Variants in FRAS1 observed in about 807,000 individuals in gnomAD.
FRAS1 encodes Fraser extracellular matrix complex subunit 1.
Under a neutral mutation model 435.2 loss-of-function variants are expected in FRAS1, and 290 were observed. The ratio of observed to expected loss-of-function variants is 0.67; its 90% CI spans 0.61 to 0.73. FRAS1 has a LOEUF of 0.73. FRAS1 is among the 30% of genes least tolerant of loss of function. The pLI, the probability that FRAS1 is intolerant of heterozygous loss-of-function variation, is 0.00. For synonymous variants in FRAS1, 1,800 were observed against 1,851.0 expected (o/e 0.97, Z 0.71); for missense variants, 4,860 against 5,001.5 (o/e 0.97, Z 0.85).
intron 4 of FRAS1, among the ~76,000 whole-genome samples, chr4:78,246,424 G>A (rs1392512883): frequency 1.3e-5 from 2 of 152,108 alleles, no homozygotes. Context: ...AATTACACAA[G>A]GAAGCCACTC....
At chr4:78,168,533 C>G (rs1292154078) in intron 2 of FRAS1, among the ~76,000 whole-genome samples, 1 of 151,794 alleles carries the variant, frequency 6.6e-6, no homozygotes, top group Admixed American at 6.6e-5. Context: ...TGAGTAGGCA[C>G]AGTCAGAATG....
At chr4:78,123,737 C>T (rs1432638777) in intron 2 of FRAS1, among the ~76,000 whole-genome samples, 1 of 152,066 alleles carries the variant, frequency 6.6e-6, no homozygotes, top group African/African-American at 2.4e-5. Context: ...CTCTTAGTAG[C>T]AATTGTGAAT....
intron 5 of FRAS1, among the ~76,000 whole-genome samples, chr4:78,254,556 T>G (rs957402788): frequency 1.3e-5 from 2 of 151,408 alleles, no homozygotes; most frequent in Non-Finnish European, 2.9e-5. Context: ...GAGTTGGGGG[T>G]GGTGTGGGGA....
At position 78,075,018 on chromosome 4, in the gene FRAS1, C is replaced by T. The variant is rs1320336009; in HGVS notation, c.108+9002C>T. ...GGCAAGAACTCCGGTTTCGTATGCT[C>T]TTGGTTGACAGGCTTGCTCCCTGGA... On this transcript the variant is annotated intron_variant, in intron 2 of 73. Coordinates refer to ENST00000512123, the MANE Select transcript of FRAS1 (RefSeq NM_025074.7). 2.0e-5 allele frequency among the ~76,000 whole-genome samples: 3 copies of T among 152,232 alleles called. 1 individual carries two copies. The highest frequency in any genetic ancestry group is 4.2e-4 in the South Asian group (2 of 4,812).
Position 78,333,430 on chromosome 4 carries a change from T to C in FRAS1, c.2278+18T>C. On this transcript the variant is annotated intron_variant, in intron 19 of 73. Coordinates refer to ENST00000512123, the MANE Select transcript of FRAS1 (RefSeq NM_025074.7). ...TTGCACAGGTGAGTATGTAATGTGC[T>C]GAGGCACATTGCCTATGACCATGTT... 1.2e-6 allele frequency: 2 copies of C among 1,603,844 alleles called. No homozygotes were observed. The highest frequency in any genetic ancestry group is 1.7e-6 in the Non-Finnish European group (2 of 1,174,650).
chr4:78,478,107 A>G, intron 55 of FRAS1, 46 bp downstream of exon 55: 2 of 1,520,588 alleles, frequency 1.3e-6, no homozygotes, highest in Non-Finnish European at 1.8e-6. Context: ...AATTGCTAAC[A>G]TTTATTGAGT....
intron 2 of FRAS1, among the ~76,000 whole-genome samples, chr4:78,138,666 ATAGG>A (rs1482748096): frequency 6.6e-6 from 1 of 152,140 alleles, no homozygotes; most frequent in Non-Finnish European, 1.5e-5. Flanking sequence ...ACTATAAATG[ATAGG>A]TACTTCAGTA....
intron 2 of FRAS1, among the ~76,000 whole-genome samples, chr4:78,170,294 CAA>C (rs1241414585): frequency 6.6e-6 from 1 of 152,108 alleles, no homozygotes; most frequent in African/African-American, 2.4e-5. Flanking sequence ...TAAATAGCTA[CAA>C]AGAGTTTGAC....
At chr4:78,474,217 T>C (rs1046463373) in intron 53 of FRAS1, among the ~76,000 whole-genome samples, 2 of 152,230 alleles carry the variant, frequency 1.3e-5, no homozygotes, top group African/African-American at 2.4e-5. Context: ...TTAAGATGCT[T>C]TTCTAATCTG....
Position 78,252,372 on chromosome 4 carries a change from T to TC in FRAS1, c.310-19dup. On this transcript the variant is annotated intron_variant, in intron 4 of 73. Transcript: ENST00000512123. ...GTTTTGGCACTAACCTTTTTTTTTTTCTGTCTCCCTAACACACAGCATGGG... is the reference window on the plus strand; with the variant it reads ...GTTTTGGCACTAACCTTTTTTTTTTTCCTGTCTCCCTAACACACAGCATGGG... The TC allele has an allele frequency of 6.2e-7, 1 of 1,601,268 alleles. No homozygotes were observed.
chr4:78,276,667 C>T (rs928226729), intron 9 of FRAS1, among the ~76,000 whole-genome samples: 3 of 152,212 alleles, frequency 2.0e-5, no homozygotes, highest in African/African-American at 4.8e-5. Context: ...CCTGATCATT[C>T]CTCTGGAAGC....
chr4:78,185,948 A>G (rs966153894), intron 2 of FRAS1, among the ~76,000 whole-genome samples: 10 of 152,016 alleles, frequency 6.6e-5, no homozygotes, highest in African/African-American at 2.2e-4. Flanking sequence ...TTTCCTATAA[A>G]CCTGCTGAGT....
chr4:78,265,174 C>T (rs1726291383), intron 7 of FRAS1, 66 bp downstream of exon 7: 2 of 996,716 alleles, frequency 2.0e-6, no homozygotes, highest in South Asian at 1.5e-5. Context: ...CCTCCACCCA[C>T]TCCAGCCACC....
intron 2 of FRAS1, among the ~76,000 whole-genome samples, chr4:78,208,164 C>T (rs561756358): frequency 1.3e-5 from 2 of 152,198 alleles, no homozygotes; most frequent in Admixed American, 1.3e-4. Context: ...CCTGATAGAC[C>T]AACTGGGCGG....
rs534062792 is a variant in FRAS1 at position 78,523,007 on chromosome 4, C to G, written c.10808+199C>G. On this transcript the variant is annotated intron_variant, in intron 69 of 73. Coordinates refer to ENST00000512123, the MANE Select transcript of FRAS1 (RefSeq NM_025074.7). ...GGAGGATCACTTGAACTCAGGAGTG[C>G]GAAGCTGCAGTTAGCCATGATGCCA... Among the ~76,000 whole-genome samples the G allele has an allele frequency of 5.9e-5, 9 of 152,176 alleles. 1 individual carries two copies. Among genetic ancestry groups the G allele is most frequent in the East Asian group, 3.9e-4 (2 of 5,178 alleles).
chr4:78,500,930 G>C (rs1271040913), intron 61 of FRAS1, among the ~76,000 whole-genome samples: 1 of 152,068 alleles, frequency 6.6e-6, no homozygotes, highest in Admixed American at 6.5e-5. Flanking sequence ...TGAGGTATTT[G>C]CACCTTCAGA....
intron 70 of FRAS1, among the ~76,000 whole-genome samples, chr4:78,533,297 T>G (rs1455840244): frequency 2.0e-5 from 3 of 152,254 alleles, no homozygotes; most frequent in Non-Finnish European, 4.4e-5. Flanking sequence ...ACTAGAATGA[T>G]GTCTACTGTA....
At chr4:78,139,531 C>T (rs555401352) in intron 2 of FRAS1, among the ~76,000 whole-genome samples, 32 of 152,206 alleles carry the variant, frequency 2.1e-4, no homozygotes, top group African/African-American at 7.2e-4. Flanking sequence ...TTACTTCCAC[C>T]GGTTTACCCT....
At chr4:78,511,187 A>T (rs1455259159) in intron 63 of FRAS1, 87 bp from the exon 64 acceptor site, 1 of 1,064,650 alleles carries the variant, frequency 9.4e-7, no homozygotes, top group Non-Finnish European at 1.4e-6. Flanking sequence ...TGGATGGATG[A>T]TCTTTACAGA....
Sources: allele counts gnomAD v4.1 joint callset (sites outside exome capture counted in the v4.1 genomes callset), GRCh38; gene constraint gnomAD v4.1.1; transcripts MANE v1.5; gene names NCBI Gene and HGNC (gene_info 2026-07-23, HGNC 2026-07-21).